B4GALNT3: variants seen among roughly 807,000 people sequenced by gnomAD.
The protein encoded by B4GALNT3 is beta-1,4-N-acetylgalactosaminyltransferase 3.
B4GALNT3 carries 86 observed loss-of-function variants against 120.2 expected under a neutral mutation model. That is an observed-to-expected ratio of 0.72 (90% confidence interval 0.60 to 0.86). The LOEUF is 0.86. B4GALNT3 is among the 40% of genes least tolerant of loss of function. The probability of loss-of-function intolerance (pLI) is 0.00; values close to 1 mark genes in which losing one functional copy is unlikely to be tolerated. For synonymous variants in B4GALNT3, 518 were observed against 510.4 expected (o/e 1.01, Z -0.20); for missense variants, 1,167 against 1,298.9 (o/e 0.90, Z 1.56).
intron 1 of B4GALNT3, among the ~76,000 whole-genome samples, chr12:466,966 A>ACCAGTACC (rs912184393): frequency 3.9e-5 from 6 of 152,184 alleles, no homozygotes; most frequent in African/African-American, 1.4e-4. Context: ...ACAGAGTATT[A>ACCAGTACC]CCAGTACCCC....
chr12:545,610 C>T (rs1289828778), intron 6 of B4GALNT3, 141 bp downstream of exon 6: 2 of 818,310 alleles, frequency 2.4e-6, no homozygotes, highest in African/African-American at 1.7e-5. Flanking sequence ...CTCCCTCACC[C>T]CTACCCCTCT....
At chr12:538,718 C>A (rs1243087265) in intron 3 of B4GALNT3, among the ~76,000 whole-genome samples, 1 of 152,076 alleles carries the variant, frequency 6.6e-6, no homozygotes, top group African/African-American at 2.4e-5. Flanking sequence ...TGATCCAATC[C>A]TCTTATTTTA....
rs1367365805 is a variant in B4GALNT3 at position 512,148 on chromosome 12, TCCGC to T, written c.170-23016_170-23013del. Among the ~76,000 whole-genome samples the T allele has an allele frequency of 3.7e-4, 28 of 75,260 alleles. 1 individual carries two copies. Among genetic ancestry groups the T allele is most frequent in the African/African-American group, 1.7e-3 (23 of 13,794 alleles). The allele number at this position is 75,260 out of a possible 152,430, so 49.4% of individuals were successfully genotyped here. A position where few individuals can be genotyped will look rare whatever the true frequency, so the allele number is the denominator to read the frequency against. On this transcript the variant is annotated intron_variant, in intron 1 of 19. Coordinates refer to ENST00000266383, the MANE Select transcript of B4GALNT3 (RefSeq NM_173593.4). ...AGCTTCCACCTTCCACCTTCCACCT[TCCGC>T]CTTCCGCCTTCCACCTTCCGCCTTC... is the stretch of plus-strand genomic sequence containing the variant.
intron 1 of B4GALNT3, among the ~76,000 whole-genome samples, chr12:521,820 C>T (rs1027679372): frequency 3.9e-5 from 6 of 152,204 alleles, no homozygotes; most frequent in Admixed American, 1.3e-4. Context: ...AGACCTCTAT[C>T]GGCACTGAGC....
chr12:556,664 G>A lies in B4GALNT3; in HGVS notation c.2178G>A (p.Ser726=), dbSNP rs146749190. 4.5e-4 allele frequency: 725 copies of A among 1,613,988 alleles called. No homozygotes were observed. In the East Asian group the frequency reaches 9.0e-3, roughly 20 times the overall value. ...AAGGCCAGCGCGTGGTGCGGCTCTC[G>A]GAGTATGTGTCTGCACGAGGCTGGC... ...LEQGQRVVRL[S]EYVSARGWQG... Residue 726 remains serine, a synonymous_variant, in exon 15 of 20, where the codon TCG becomes TCA. Transcript: ENST00000266383.
chr12:551,007 G>T lies in B4GALNT3; in HGVS notation c.1083G>T (p.Leu361=), dbSNP rs1485147603. 1.2e-6 allele frequency: 2 copies of T among 1,613,500 alleles called. No individual in the cohort carries two copies. The highest frequency in any genetic ancestry group is 2.2e-5 in the South Asian group (2 of 91,072). Residue 361 remains leucine (L), a synonymous_variant, in exon 11 of 20, where the codon CTG becomes CTT. Transcript: ENST00000266383. ...GCTATCTGGTGGATGGGCTTCCTCT[G>T]CAGCGCTACCAGGGACTCCGGTTTG... is the stretch of plus-strand genomic sequence containing the variant. The part of the protein sequence containing the change: ...KPSYLVDGLP[L]QRYQGLRFVH...
chr12:471,602 G>A (rs1946137023), intron 1 of B4GALNT3, among the ~76,000 whole-genome samples: 1 of 151,662 alleles, frequency 6.6e-6, no homozygotes, highest in African/African-American at 2.4e-5. Flanking sequence ...AGCTACTTGG[G>A]AGGCTGAGGC....
intron 1 of B4GALNT3, among the ~76,000 whole-genome samples, chr12:478,678 T>C (rs563365409): frequency 6.6e-6 from 1 of 152,230 alleles, no homozygotes; most frequent in Non-Finnish European, 1.5e-5. Context: ...TTTCTGATCC[T>C]TTGTATCTCT....
At chr12:500,011 T>C (rs1049022668) in intron 1 of B4GALNT3, among the ~76,000 whole-genome samples, 1 of 152,228 alleles carries the variant, frequency 6.6e-6, no homozygotes, top group Admixed American at 6.5e-5. Context: ...TTGCCGAGGC[T>C]TGCTGGCCAT....
intron 3 of B4GALNT3, 142 bp from the exon 4 acceptor site, chr12:544,197 C>T (rs1041829013): frequency 1.7e-6 from 1 of 582,636 alleles, no homozygotes; most frequent in East Asian, 3.0e-5. Context: ...GGAGCTGAGG[C>T]TCTGGGGAGG....
At chr12:484,859 G>A (rs1261728850) in intron 1 of B4GALNT3, among the ~76,000 whole-genome samples, 1 of 151,856 alleles carries the variant, frequency 6.6e-6, no homozygotes, top group African/African-American at 2.4e-5. Flanking sequence ...CCCAGTAATG[G>A]TCCCAGACCT....
At chr12:545,954 G>A (rs1344825502) in intron 6 of B4GALNT3, among the ~76,000 whole-genome samples, 1 of 96,172 alleles carries the variant, frequency 1.0e-5, no homozygotes, top group Non-Finnish European at 2.2e-5. Context: ...GGGGAGGTGC[G>A]AGGAGTGGGG....
rs1227619076 is a variant in B4GALNT3 at position 460,725 on chromosome 12, G to C, written c.169+180G>C. The stretch of plus-strand genomic sequence containing the variant: ...AGCTGCGGGCGGGGGAAGCCGCGGG[G>C]CCGAGCGCAGAATTCCCGAGCCCGG... On this transcript the variant is annotated intron_variant, in intron 1 of 19. Coordinates refer to ENST00000266383, the MANE Select transcript of B4GALNT3 (RefSeq NM_173593.4). This position sits in a 1 kb window ranked among gnomAD's most constrained non-coding sequence, Gnocchi z 8.0. Among the ~76,000 whole-genome samples, 3 of 152,126 alleles carry C rather than the reference G, an allele frequency of 2.0e-5. No individual in the cohort carries two copies. Among genetic ancestry groups the C allele is most frequent in the Non-Finnish European group, 2.9e-5 (2 of 68,004 alleles).
At chr12:557,568 T>C in intron 15 of B4GALNT3, 40 bp from the exon 16 acceptor site, 1 of 1,586,434 alleles carries the variant, frequency 6.3e-7, no homozygotes, top group Non-Finnish European at 8.6e-7. Context: ...CATCTTTGCC[T>C]TGTCTGTGTT....
At chr12:498,103 T>C (rs1946405503) in intron 1 of B4GALNT3, among the ~76,000 whole-genome samples, 2 of 152,172 alleles carry the variant, frequency 1.3e-5, no homozygotes, top group Non-Finnish European at 2.9e-5. Flanking sequence ...CCCTGTCGGT[T>C]GCGAAGTTCT....
At position 556,774 on chromosome 12, in the gene B4GALNT3, A is replaced by G; in HGVS notation, c.2288A>G (p.Gln763Arg). The G allele has an allele frequency of 1.9e-6, 3 of 1,613,912 alleles. No individual in the cohort carries two copies. The highest frequency in any genetic ancestry group is 2.5e-6 in the Non-Finnish European group (3 of 1,180,032). The change falls in exon 15 of 20, where the codon CAG (glutamine) becomes CGG (arginine). Residue 763 changes from glutamine to arginine, a missense_variant. Around this residue, in one of 3 missense-constraint regions of B4GALNT3, gnomAD observed 983 missense variants for 1,102.5 expected, o/e 0.89. Coordinates refer to ENST00000266383, the MANE Select transcript of B4GALNT3 (RefSeq NM_173593.4). ...TGGGACCCACACAACCGTAGGAGAC[A>G]GGTCCTGAATACCCGGGCCCAAGAG... ...LVWDPHNRRR[Q>R]VLNTRAQEPK...
At chr12:481,428 C>G (rs1946241421) in intron 1 of B4GALNT3, among the ~76,000 whole-genome samples, 1 of 152,230 alleles carries the variant, frequency 6.6e-6, no homozygotes, top group Non-Finnish European at 1.5e-5. Context: ...AAACCAGAAG[C>G]AAATCAGGAG....
At position 553,421 on chromosome 12, in the gene B4GALNT3, C is replaced by T. The variant is rs745978354; in HGVS notation, c.1498C>T (p.Pro500Ser). ...CAAGCGGAACTCCACAGCGTCCTTC[C>T]CAGGGAGGACCAGCCACATTCCAGT... The part of the protein sequence containing the change: ...FSKRNSTASF[P>S]GRTSHIPVQQ... The change falls in exon 14 of 20, where the codon CCA (proline) becomes TCA (serine). Residue 500 changes from proline (P) to serine (S), a missense_variant. Transcript: ENST00000266383. 5.0e-6 allele frequency: 8 copies of T among 1,613,864 alleles called. No individual in the cohort carries two copies. The highest frequency in any genetic ancestry group is 5.1e-6 in the Non-Finnish European group (6 of 1,180,048).
intron 1 of B4GALNT3, among the ~76,000 whole-genome samples, chr12:475,403 G>A (rs1344709001): frequency 1.3e-5 from 2 of 152,160 alleles, no homozygotes; most frequent in Non-Finnish European, 2.9e-5. Flanking sequence ...AGAGAGCCAG[G>A]AAGAACCCTG....
Sources: gnomAD v4.1 joint callset for allele counts (sites outside exome capture counted in the v4.1 genomes callset) on GRCh38, gnomAD v4.1.1 for gene constraint, gnomAD v4.1.1 regional missense constraint, Gnocchi (gnomAD v3.1) non-coding constraint, MANE v1.5 for transcripts, NCBI Gene and HGNC (gene_info 2026-07-23, HGNC 2026-07-21) for gene names.